Variants in KIF13A observed in about 807,000 individuals in gnomAD.
KIF13A encodes the protein kinesin-like protein KIF13A.
A neutral mutation model predicts 212.2 loss-of-function variants in KIF13A; 79 were observed. The ratio of observed to expected loss-of-function variants is 0.37; its 90% CI spans 0.31 to 0.45. The LOEUF (loss-of-function observed/expected upper bound fraction) is 0.45, where lower values mean the gene tolerates loss of function less well. KIF13A is among the 20% of genes least tolerant of loss of function. The probability of loss-of-function intolerance (pLI) is 1.00; values close to 1 mark genes in which losing one functional copy is unlikely to be tolerated. For missense variants in KIF13A, 1,901 were observed against 2,209.0 expected (o/e 0.86, Z 2.79); for synonymous variants, 789 against 808.6 (o/e 0.98, Z 0.41).
At position 17,854,179 on chromosome 6, in the gene KIF13A, C is replaced by T. The variant is rs568364819; in HGVS notation, c.494+1258G>A. ...ATTGAGATGCAGTCTCACTCTACTG[C>T]CCAGGCTGGAATGTGGTGGCATGAT... is the stretch of plus-strand genomic sequence containing the variant. On this transcript the variant is annotated intron_variant, in intron 6 of 38. Coordinates refer to ENST00000259711, the MANE Select transcript of KIF13A (RefSeq NM_022113.6). Among the ~76,000 whole-genome samples the T allele has an allele frequency of 1.1e-3, 160 of 152,288 alleles. 5 individuals carry two copies. The South Asian group carries it at 0.033, about 32-fold the overall frequency.
chr6:17,943,400 ATTT>A (rs11311833), intron 2 of KIF13A, among the ~76,000 whole-genome samples: 1,608 of 132,284 alleles, frequency 0.012, 22 homozygotes, highest in African/African-American at 0.044. Context: ...TAAAACACAG[ATTT>A]TTTTTTTTTT....
chr6:17,857,405 A>G (rs1187619791), intron 4 of KIF13A, among the ~76,000 whole-genome samples: 1 of 152,172 alleles, frequency 6.6e-6, no homozygotes, highest in East Asian at 1.9e-4. Flanking sequence ...TGATGGTTTA[A>G]AAGTGTGTGG....
At chr6:17,832,418 C>T (rs1227809424) in intron 12 of KIF13A, among the ~76,000 whole-genome samples, 1 of 152,016 alleles carries the variant, frequency 6.6e-6, no homozygotes, top group Non-Finnish European at 1.5e-5. Flanking sequence ...GGGTGGATCA[C>T]CTGAGGTCAG....
rs1391131910 is a variant in KIF13A, at chr6:17,882,765, C to T, written c.160-9328G>A. Among the ~76,000 whole-genome samples, 5 of 151,994 alleles carry T rather than the reference C, an allele frequency of 3.3e-5. No homozygotes were observed. In the South Asian group the frequency reaches 8.3e-4, roughly 25 times the overall value. On this transcript the variant is annotated intron_variant, in intron 3 of 38. Transcript: ENST00000259711. The stretch of plus-strand genomic sequence containing the variant: ...TTAGTAGAGATGGAGTTTCACCATG[C>T]TGGCCATGCTGGTCTTGAACTTCTG...
chr6:17,978,265 T>G (rs1780759781), intron 2 of KIF13A, among the ~76,000 whole-genome samples: 1 of 152,276 alleles, frequency 6.6e-6, no homozygotes. Context: ...TTATTTTGTT[T>G]TTATTTAGTT....
At position 17,895,804 on chromosome 6, in the gene KIF13A, C is replaced by T. The variant is rs9465080; in HGVS notation, c.159+2364G>A. On this transcript the variant is annotated intron_variant, in intron 3 of 38. Coordinates refer to ENST00000259711, the MANE Select transcript of KIF13A (RefSeq NM_022113.6). The surrounding 1 kb of genome is among the most constrained non-coding windows in gnomAD (Gnocchi z 4.4). ...ATTCCTCACTAACTTGGCTTATCTC[C>T]AGTGCCTTCAAGCACAAGTTTTTAA... Among the ~76,000 whole-genome samples the T allele has an allele frequency of 0.035, 5,364 of 152,262 alleles. 324 individuals are homozygous for T. The highest frequency in any genetic ancestry group is 0.12 in the African/African-American group (5,097 of 41,524).
In KIF13A at chr6:17,987,630, C is replaced by G. The variant is rs1781693403; in HGVS notation, c.-167G>C. On this transcript the variant is annotated 5_prime_UTR_variant, in exon 1 of 39. Coordinates refer to ENST00000259711, the MANE Select transcript of KIF13A (RefSeq NM_022113.6). This position sits in a 1 kb window ranked among gnomAD's most constrained non-coding sequence, Gnocchi z 7.7. Reference sequence around the variant, plus strand: ...AGGCGCGCGGGCCATCCCGGGGGAGCGCGACGCGGGGCACGGCCGCGGCCC... The same window carrying G: ...AGGCGCGCGGGCCATCCCGGGGGAGGGCGACGCGGGGCACGGCCGCGGCCC... 1 of 188,508 alleles carries G rather than the reference C, an allele frequency of 5.3e-6. No homozygotes were observed. The highest frequency in any genetic ancestry group is 6.8e-5 in the Admixed American group (1 of 14,710). The allele number at this position is 188,508 out of a possible 1,614,324, so 11.7% of individuals were successfully genotyped here.
rs1377614690 is a variant in KIF13A at position 17,886,673 on chromosome 6, A to G, written c.159+11495T>C. ...AAAGTCGGGCAGAAGGAAAGGGGAGAGTAGAACCTGTAGGAATTTCAAGAT... is the reference window on the plus strand; with the variant it reads ...AAAGTCGGGCAGAAGGAAAGGGGAGGGTAGAACCTGTAGGAATTTCAAGAT... On this transcript the variant is annotated intron_variant, in intron 3 of 38. Transcript: ENST00000259711. The surrounding 1 kb of genome is among the most constrained non-coding windows in gnomAD (Gnocchi z 5.6). 6.6e-6 allele frequency among the ~76,000 whole-genome samples: 1 copy of G among 152,142 alleles called. No homozygotes were observed. The highest frequency in any genetic ancestry group is 1.5e-5 in the Non-Finnish European group (1 of 68,044).
intron 2 of KIF13A, among the ~76,000 whole-genome samples, chr6:17,942,693 T>C (rs1019354413): frequency 2.6e-5 from 4 of 152,090 alleles, no homozygotes; most frequent in African/African-American, 9.7e-5. Context: ...AAAGAGTAGA[T>C]TAGGCCGGGC....
intron 16 of KIF13A, chr6:17,821,686 T>G: frequency 7.7e-7 from 1 of 1,298,320 alleles, no homozygotes; most frequent in Non-Finnish European, 1.0e-6. Flanking sequence ...CCCAATCATG[T>G]TAGTTAGATT....
At chr6:17,815,096 C>A (rs1400402158) in intron 17 of KIF13A, among the ~76,000 whole-genome samples, 1 of 152,262 alleles carries the variant, frequency 6.6e-6, no homozygotes, top group African/African-American at 2.4e-5. Context: ...CATGTGTCCA[C>A]TGGACAAGGG....
At chr6:17,766,746 A>T (rs1311234400) in intron 38 of KIF13A, among the ~76,000 whole-genome samples, 1 of 151,992 alleles carries the variant, frequency 6.6e-6, no homozygotes, top group African/African-American at 2.4e-5. Context: ...TTTTTAATCG[A>T]GGTGGGGAGG....
rs1170364865 is a variant in KIF13A, at chr6:17,843,157, C to T, written c.831-5574G>A. On this transcript the variant is annotated intron_variant, in intron 9 of 38. Coordinates refer to ENST00000259711, the MANE Select transcript of KIF13A (RefSeq NM_022113.6). The surrounding 1 kb of genome is among the most constrained non-coding windows in gnomAD (Gnocchi z 5.3). ...CCATACACATTCCTCCATGCAATTA[C>T]TGTGCTTGGTTTATGACTGAAAGCA... 6.6e-6 allele frequency among the ~76,000 whole-genome samples: 1 copy of T among 152,182 alleles called. No individual in the cohort carries two copies. The highest frequency in any genetic ancestry group is 2.4e-5 in the African/African-American group (1 of 41,440).
chr6:17,874,962 C>A (rs1770379007), intron 3 of KIF13A, among the ~76,000 whole-genome samples: 1 of 106,806 alleles, frequency 9.4e-6, no homozygotes, highest in African/African-American at 3.1e-5. Context: ...CTTTTTATGG[C>A]TAAGTAGTAT....
At chr6:17,945,098 T>C (rs1469272092) in intron 2 of KIF13A, among the ~76,000 whole-genome samples, 1 of 152,156 alleles carries the variant, frequency 6.6e-6, no homozygotes, top group African/African-American at 2.4e-5. Context: ...CACGGCAAGA[T>C]CCTGTCTCTA....
chr6:17,907,159 T>A (rs567942901), intron 2 of KIF13A, among the ~76,000 whole-genome samples: 1 of 152,200 alleles, frequency 6.6e-6, no homozygotes, highest in African/African-American at 2.4e-5. Flanking sequence ...ACATATTTAA[T>A]GACCCTATAC....
chr6:17,924,285 C>T (rs966361200), intron 2 of KIF13A, among the ~76,000 whole-genome samples: 17 of 152,158 alleles, frequency 1.1e-4, no homozygotes, highest in African/African-American at 3.9e-4. Context: ...ACACTAATTA[C>T]AATACTAGTT....
intron 3 of KIF13A, among the ~76,000 whole-genome samples, chr6:17,882,649 C>A (rs1027093095): frequency 4.6e-5 from 7 of 151,910 alleles, no homozygotes; most frequent in Non-Finnish European, 1.0e-4. Context: ...ACAACCTCTG[C>A]CTCCCAGGTT....
Position 17,804,471 on chromosome 6 carries a change from C to CCTA in KIF13A, c.2343_2344insTAG (p.Tyr781_Glu782insTer). 6.3e-7 allele frequency: 1 copy of CCTA among 1,596,102 alleles called. No individual in the cohort carries two copies. Among genetic ancestry groups the CCTA allele is most frequent in the African/African-American group, 1.3e-5 (1 of 74,626 alleles). ...ATGAGGTTGTGATTTTCTTGGGCTT[C>CCTA]ATAGAAAGGGTCACCTCGTTTTCCG... On this transcript the variant is annotated stop_gained and inframe_insertion, in exon 20 of 39. Transcript: ENST00000259711. LOFTEE classifies it high-confidence loss of function.
Sources: allele counts gnomAD v4.1 joint callset (sites outside exome capture counted in the v4.1 genomes callset), GRCh38; gene constraint gnomAD v4.1.1; non-coding constraint Gnocchi (gnomAD v3.1); transcripts MANE v1.5; gene names NCBI Gene and HGNC (gene_info 2026-07-23, HGNC 2026-07-21).